MAGI2: variants seen among roughly 807,000 people sequenced by gnomAD.
MAGI2 encodes membrane associated guanylate kinase, WW and PDZ domain containing 2.
MAGI2 carries 35 observed loss-of-function variants against 133.3 expected under a neutral mutation model. That is an observed-to-expected ratio of 0.26 (90% confidence interval 0.20 to 0.35). The LOEUF (loss-of-function observed/expected upper bound fraction) is 0.35, where lower values mean the gene tolerates loss of function less well. Among genes scored for constraint, MAGI2 ranks in the 10% least tolerant of loss-of-function variants. The probability of loss-of-function intolerance (pLI) is 1.00; values close to 1 mark genes in which losing one functional copy is unlikely to be tolerated. For missense variants in MAGI2, 1,636 were observed against 1,863.4 expected (o/e 0.88, Z 2.25); for synonymous variants, 729 against 710.6 (o/e 1.03, Z -0.41).
At chr7:79,252,512 T>G (rs945080879) in intron 1 of MAGI2, among the ~76,000 whole-genome samples, 2 of 152,090 alleles carry the variant, frequency 1.3e-5, no homozygotes, top group Non-Finnish European at 2.9e-5. Context: ...TATAATTAGA[T>G]AGAATGAATA....
intron 3 of MAGI2, among the ~76,000 whole-genome samples, chr7:78,580,996 C>T (rs554356985): frequency 6.6e-6 from 1 of 152,138 alleles, no homozygotes; most frequent in South Asian, 2.1e-4. Flanking sequence ...TAATTTAGTT[C>T]TCATTTATAG....
intron 9 of MAGI2, among the ~76,000 whole-genome samples, chr7:78,281,209 C>A (rs979378656): frequency 6.6e-6 from 1 of 152,166 alleles, no homozygotes; most frequent in Non-Finnish European, 1.5e-5. Flanking sequence ...TGTTGTTATT[C>A]ATTCATGATC....
intron 21 of MAGI2, among the ~76,000 whole-genome samples, chr7:78,042,145 T>G (rs2151087234): frequency 6.6e-6 from 1 of 152,324 alleles, no homozygotes; most frequent in Non-Finnish European, 1.5e-5. Flanking sequence ...TTACCCTTTC[T>G]TCCTTGATTA....
At chr7:79,294,489 G>A (rs1365361695) in intron 1 of MAGI2, among the ~76,000 whole-genome samples, 1 of 152,030 alleles carries the variant, frequency 6.6e-6, no homozygotes, top group Non-Finnish European at 1.5e-5. Flanking sequence ...AACTTTCCAT[G>A]GGTCCGCCCC....
intron 1 of MAGI2, among the ~76,000 whole-genome samples, chr7:79,360,187 T>C (rs1344072894): frequency 6.6e-6 from 1 of 152,166 alleles, no homozygotes; most frequent in Non-Finnish European, 1.5e-5. Context: ...TAAATACCAC[T>C]ACCTAAAACA....
chr7:78,776,757 C>A (rs1826016482), intron 2 of MAGI2, among the ~76,000 whole-genome samples: 1 of 152,116 alleles, frequency 6.6e-6, no homozygotes, highest in South Asian at 2.1e-4. Context: ...GGGAAAAATT[C>A]CGCATGGGAA....
At chr7:78,694,013 T>C (rs1055520652) in intron 2 of MAGI2, among the ~76,000 whole-genome samples, 1 of 152,158 alleles carries the variant, frequency 6.6e-6, no homozygotes, top group Non-Finnish European at 1.5e-5. Context: ...AAAAGAGCTT[T>C]GGAAACAGAC....
intron 1 of MAGI2, among the ~76,000 whole-genome samples, chr7:79,158,486 T>G (rs1442756529): frequency 6.6e-6 from 1 of 152,072 alleles, no homozygotes; most frequent in East Asian, 1.9e-4. Flanking sequence ...TTGTTTGCAT[T>G]TTTTTGCATT....
chr7:78,406,164 GA>G (rs1797354869), intron 6 of MAGI2, among the ~76,000 whole-genome samples: 1 of 151,848 alleles, frequency 6.6e-6, no homozygotes, highest in Non-Finnish European at 1.5e-5. Context: ...TAATGAACAA[GA>G]AAAAAATTGA....
At chr7:78,920,571 AT>A (rs973338319) in intron 2 of MAGI2, among the ~76,000 whole-genome samples, 5 of 152,136 alleles carry the variant, frequency 3.3e-5, no homozygotes, top group African/African-American at 1.2e-4. Context: ...ATTAACTGAA[AT>A]TTTAGTATGA....
intron 20 of MAGI2, among the ~76,000 whole-genome samples, chr7:78,098,964 G>C (rs1817957364): frequency 6.6e-6 from 1 of 151,860 alleles, no homozygotes; most frequent in South Asian, 2.1e-4. Flanking sequence ...TTAATTCATG[G>C]AGTTTTTTTT....
intron 6 of MAGI2, among the ~76,000 whole-genome samples, chr7:78,479,117 A>G (rs142321726): frequency 2.0e-5 from 3 of 152,062 alleles, no homozygotes; most frequent in African/African-American, 7.2e-5. Flanking sequence ...AAAATAATAT[A>G]ATCTCCAAGA....
chr7:78,241,920 C>A (rs10227498), intron 10 of MAGI2, among the ~76,000 whole-genome samples: 1 of 150,192 alleles, frequency 6.7e-6, no homozygotes, highest in Non-Finnish European at 1.5e-5. Flanking sequence ...GACGACAGAG[C>A]GAGAACCCGT....
intron 6 of MAGI2, among the ~76,000 whole-genome samples, chr7:78,475,337 A>G (rs6466242): frequency 0.29 from 44,639 of 151,818 alleles, 7,611 homozygotes; most frequent in African/African-American, 0.47. Flanking sequence ...AAAGCAAGGT[A>G]AAAGAATAGC....
chr7:78,200,002 G>C (rs1829092491), intron 11 of MAGI2, among the ~76,000 whole-genome samples: 7 of 152,184 alleles, frequency 4.6e-5, no homozygotes. Flanking sequence ...TGAAAGGAAG[G>C]AACTATTTAG....
At chr7:78,860,434 CCTTT>C (rs981656920) in intron 2 of MAGI2, among the ~76,000 whole-genome samples, 3 of 152,114 alleles carry the variant, frequency 2.0e-5, no homozygotes, top group Admixed American at 2.0e-4. Flanking sequence ...GTGTGGATGT[CCTTT>C]CTGTTTGTTA....
intron 18 of MAGI2, among the ~76,000 whole-genome samples, chr7:78,130,349 T>C (rs1821438303): frequency 6.6e-6 from 1 of 152,154 alleles, no homozygotes; most frequent in Non-Finnish European, 1.5e-5. Flanking sequence ...GCAAGCAGAT[T>C]GTCATTTTAT....
intron 1 of MAGI2, among the ~76,000 whole-genome samples, chr7:79,241,064 CTT>C (rs1832366638): frequency 6.6e-6 from 1 of 151,958 alleles, no homozygotes; most frequent in Non-Finnish European, 1.5e-5. Flanking sequence ...GTTTTCATAA[CTT>C]AAAATTGCTT....
chr7:78,020,292 T>G (rs1253956409), intron 21 of MAGI2, among the ~76,000 whole-genome samples: 1 of 152,170 alleles, frequency 6.6e-6, no homozygotes, highest in Non-Finnish European at 1.5e-5. Flanking sequence ...GGCCTGATAG[T>G]CCTGTATAGA....
Sources: allele counts gnomAD v4.1 joint callset (sites outside exome capture counted in the v4.1 genomes callset), GRCh38; gene constraint gnomAD v4.1.1; transcripts MANE v1.5; gene names NCBI Gene and HGNC (gene_info 2026-07-23, HGNC 2026-07-21).